CCDC32: variants seen among roughly 807,000 people sequenced by gnomAD.
CCDC32 encodes the protein coiled-coil domain-containing protein 32.
CCDC32 carries 9 observed loss-of-function variants against 20.1 expected under a neutral mutation model. The ratio of observed to expected loss-of-function variants is 0.45; its 90% CI spans 0.27 to 0.78. The LOEUF is 0.78. Ranked by LOEUF, CCDC32 falls within the 30% of genes least tolerant of loss-of-function variation. The pLI is 0.16. For synonymous variants in CCDC32, 63 were observed against 79.0 expected, an observed-to-expected ratio of 0.80 and a Z score of 1.07; for missense variants, 204 against 215.5, an observed-to-expected ratio of 0.95 and a Z score of 0.33.
At chr15:40,545,228 C>T (rs192352235) in intron 3 of CCDC32, among the ~76,000 whole-genome samples, 1 of 152,298 alleles carries the variant, frequency 6.6e-6, no homozygotes, top group Non-Finnish European at 1.5e-5. Context: ...ATTTGATGGT[C>T]TCATCCCCAA....
intron 2 of CCDC32, among the ~76,000 whole-genome samples, chr15:40,560,865 G>C (rs1164601729): frequency 6.6e-6 from 1 of 152,142 alleles, no homozygotes; most frequent in Non-Finnish European, 1.5e-5. Flanking sequence ...ATCCCACTAC[G>C]AGGTGTTTAC....
intron 3 of CCDC32, 53 bp downstream of exon 3, chr15:40,557,163 G>C: frequency 1.3e-6 from 2 of 1,544,164 alleles, no homozygotes; most frequent in Non-Finnish European, 1.7e-6. Context: ...AAAACAAATA[G>C]AACAACTACA....
downstream of CCDC32, among the ~76,000 whole-genome samples, chr15:40,551,933 G>C (rs1016088116): frequency 6.6e-6 from 1 of 151,920 alleles, no homozygotes; most frequent in Non-Finnish European, 1.5e-5. Context: ...TGGAAGGATA[G>C]CTTGAGCCCA....
chr15:40,544,632 C>G (rs1404057875), intron 3 of CCDC32, among the ~76,000 whole-genome samples: 1 of 152,154 alleles, frequency 6.6e-6, no homozygotes, highest in Non-Finnish European at 1.5e-5. Flanking sequence ...AGAGAGTCAA[C>G]AGTGGGAGGA....
intron 3 of CCDC32, among the ~76,000 whole-genome samples, chr15:40,529,069 A>C (rs1302081590): frequency 6.6e-6 from 1 of 152,202 alleles, no homozygotes; most frequent in Non-Finnish European, 1.5e-5. Flanking sequence ...GGGTCACAGA[A>C]ACCTCTGTGG....
downstream of CCDC32, among the ~76,000 whole-genome samples, chr15:40,524,031 C>T (rs1595880734): frequency 6.7e-6 from 1 of 149,218 alleles, no homozygotes; most frequent in African/African-American, 2.5e-5. Flanking sequence ...AAACTGGACA[C>T]AAATATCAGT....
downstream of CCDC32, among the ~76,000 whole-genome samples, chr15:40,550,995 CT>C (rs1006365865): frequency 5.3e-5 from 8 of 151,398 alleles, no homozygotes; most frequent in Non-Finnish European, 7.4e-5. Context: ...GACCTCATTG[CT>C]TTTTTTTTCT....
At position 40,557,375 on chromosome 15, in the gene CCDC32, A is replaced by G. The variant is rs780151800; in HGVS notation, c.245-3T>C. ...TTTGATTCTTCTTAGCTTCTTCTCT[A>G]GAGAGAGAAGTAGAGCTTAACAAGG... On this transcript the variant is annotated splice_region_variant and splice_polypyrimidine_tract_variant and intron_variant, in intron 2 of 3. Coordinates refer to ENST00000416810, the MANE Select transcript of CCDC32 (RefSeq NM_001080792.4). The G allele has an allele frequency of 1.2e-6, 2 of 1,602,038 alleles. No homozygotes were observed. The highest frequency in any genetic ancestry group is 2.3e-5 in the South Asian group (2 of 88,532).
downstream of CCDC32, among the ~76,000 whole-genome samples, chr15:40,523,908 A>G (rs1253156545): frequency 6.6e-6 from 1 of 152,234 alleles, no homozygotes; most frequent in Non-Finnish European, 1.5e-5. Flanking sequence ...AAATAAAACT[A>G]ACAGACATAA....
At chr15:40,560,463 A>G (rs188601625) in intron 2 of CCDC32, among the ~76,000 whole-genome samples, 4 of 152,266 alleles carry the variant, frequency 2.6e-5, no homozygotes, top group Non-Finnish European at 5.9e-5. Context: ...TTTGCAAACT[A>G]TGTATCTAAC....
downstream of CCDC32, among the ~76,000 whole-genome samples, chr15:40,552,279 C>G (rs572856597): frequency 3.3e-5 from 5 of 151,628 alleles, no homozygotes; most frequent in African/African-American, 1.2e-4. Flanking sequence ...GTCAGGAGTT[C>G]GAGACCAGCC....
chr15:40,529,484 C>T (rs1481335834), intron 3 of CCDC32: 1 of 152,184 alleles, frequency 6.6e-6, no homozygotes, highest in Non-Finnish European at 1.5e-5. Context: ...GTGGTAACGT[C>T]AGTGAATCTG....
At chr15:40,557,938 G>T (rs3743147) in intron 2 of CCDC32, 38,285 of 152,028 alleles carry the variant, frequency 0.25, 5,897 homozygotes, top group Middle Eastern at 0.37. Context: ...TTAATAAAAA[G>T]AATCTCCCAA....
intron 3 of CCDC32, among the ~76,000 whole-genome samples, chr15:40,545,047 C>A (rs1390228048): frequency 6.6e-6 from 1 of 152,132 alleles, no homozygotes; most frequent in Non-Finnish European, 1.5e-5. Context: ...GAAAAAGAAA[C>A]CAACAACATG....
At chr15:40,561,220 A>G (rs1243741737) in intron 2 of CCDC32, among the ~76,000 whole-genome samples, 1 of 152,160 alleles carries the variant, frequency 6.6e-6, no homozygotes, top group Non-Finnish European at 1.5e-5. Context: ...CACACCTGTA[A>G]TCCCAGCACT....
At chr15:40,542,087 G>A (rs937021244) in intron 3 of CCDC32, among the ~76,000 whole-genome samples, 4 of 152,168 alleles carry the variant, frequency 2.6e-5, no homozygotes, top group Non-Finnish European at 5.9e-5. Flanking sequence ...GGGGTGACCT[G>A]ATCCAACTTT....
chr15:40,535,108 C>A, downstream of CCDC32: 1 of 909,854 alleles, frequency 1.1e-6, no homozygotes, highest in South Asian at 1.4e-5. Context: ...TCTGTGCAGT[C>A]AGCAGGAGAA....
At chr15:40,545,147 C>T (rs964316348) in intron 3 of CCDC32, among the ~76,000 whole-genome samples, 2 of 152,176 alleles carry the variant, frequency 1.3e-5, no homozygotes, top group African/African-American at 2.4e-5. Flanking sequence ...ATGTACACTC[C>T]GCATCCTGTC....
In CCDC32 at chr15:40,562,797, A is replaced by C. The variant is rs781513524; in HGVS notation, c.219T>G (p.Asp73Glu). 3.7e-5 allele frequency: 59 copies of C among 1,614,160 alleles called. No individual in the cohort carries two copies. The highest frequency in any genetic ancestry group is 4.7e-5 in the Non-Finnish European group (56 of 1,180,022). The change falls in exon 2 of 4, where the codon GAT becomes GAG. Residue 73 changes from aspartate to glutamate, a missense_variant. Transcript: ENST00000416810. ...PAVKPWAPLQ[D>E]SEVYLASLEK... Reference sequence around the variant, plus strand: ...CTAGAGATGCTAAATACACTTCTGAATCCTGCAAGGGAGCCCAAGGCTTTA... The same window carrying C: ...CTAGAGATGCTAAATACACTTCTGACTCCTGCAAGGGAGCCCAAGGCTTTA...
Sources: gnomAD v4.1 joint callset for allele counts (sites outside exome capture counted in the v4.1 genomes callset) on GRCh38, gnomAD v4.1.1 for gene constraint, MANE v1.5 for transcripts, NCBI Gene and HGNC (gene_info 2026-07-23, HGNC 2026-07-21) for gene names.